Variants in HMGCLL1 observed in about 807,000 individuals in gnomAD.
The protein encoded by HMGCLL1 is 3-hydroxymethyl-3-methylglutaryl-CoA lyase, cytoplasmic.
HMGCLL1 carries 36 observed loss-of-function variants against 39.1 expected under a neutral mutation model. The observed-to-expected ratio is 0.92, with a 90% CI of 0.71 to 1.22. The LOEUF (loss-of-function observed/expected upper bound fraction) is 1.22. HMGCLL1 is among the 50% of genes most tolerant of loss of function. The probability of loss-of-function intolerance (pLI) is 0.00; values close to 1 mark genes in which losing one functional copy is unlikely to be tolerated. For synonymous variants in HMGCLL1, 149 were observed against 144.0 expected (o/e 1.03, Z -0.25); for missense variants, 451 against 416.5 (o/e 1.08, Z -0.72).
the HMGCLL1 span, among the ~76,000 whole-genome samples, chr6:55,609,730 AC>A: frequency 2.5e-4 from 37 of 150,990 alleles, no homozygotes; most frequent in East Asian, 7.3e-3. Context: ...CTGCATGAGA[AC>A]CCCCAACAGG....
the HMGCLL1 span, among the ~76,000 whole-genome samples, chr6:55,585,410 A>AT: frequency 6.6e-6 from 1 of 152,102 alleles, no homozygotes; most frequent in Non-Finnish European, 1.5e-5. Context: ...TTGCCAACAG[A>AT]TATAAAAATA....
intron 3 of HMGCLL1, among the ~76,000 whole-genome samples, chr6:55,539,114 C>CTCTTGTA (rs1250547977): frequency 1.3e-5 from 2 of 152,096 alleles, no homozygotes; most frequent in Admixed American, 1.3e-4. Flanking sequence ...AGAGGCAGGA[C>CTCTTGTA]ATGTAAATAG....
At chr6:55,654,926 A>G in the HMGCLL1 span, among the ~76,000 whole-genome samples, 1 of 151,946 alleles carries the variant, frequency 6.6e-6, no homozygotes, top group African/African-American at 2.4e-5. Context: ...GATTCATTCT[A>G]AAAATCCCAA....
At chr6:55,580,701 C>T (rs1336074872), upstream of HMGCLL1, among the ~76,000 whole-genome samples, 1 of 152,124 alleles carries the variant, frequency 6.6e-6, no homozygotes, top group Non-Finnish European at 1.5e-5. Flanking sequence ...AGGGGTCAGC[C>T]ACCGCGCCCA....
chr6:55,476,978 TG>T lies in HMGCLL1; in HGVS notation c.795+18440del, dbSNP rs1341332711. On this transcript the variant is annotated intron_variant, in intron 7 of 8. Coordinates refer to ENST00000274901, the MANE Select transcript of HMGCLL1 (RefSeq NM_001042406.2). ...AAATTATGAATTCGCTGTCCTTATG[TG>T]TAAGCCTTGTTTATAAAAATTATGG... is the stretch of plus-strand genomic sequence containing the variant. 1.8e-5 allele frequency among the ~76,000 whole-genome samples: 2 copies of T among 111,242 alleles called. 1 individual carries two copies. Among genetic ancestry groups the T allele is most frequent in the Non-Finnish European group, 4.1e-5 (2 of 48,792 alleles). The allele number at this position is 111,242 out of a possible 152,430, so 73.0% of individuals were successfully genotyped here. A position where few individuals can be genotyped will look rare whatever the true frequency, so the allele number is the denominator to read the frequency against.
chr6:55,563,323 C>A (rs1377688294), intron 1 of HMGCLL1, among the ~76,000 whole-genome samples: 1 of 152,026 alleles, frequency 6.6e-6, no homozygotes, highest in African/African-American at 2.4e-5. Flanking sequence ...ATAAAACATA[C>A]ACCCTATAGA....
intron 1 of HMGCLL1, among the ~76,000 whole-genome samples, chr6:55,556,742 C>T (rs1037222610): frequency 9.2e-5 from 14 of 152,096 alleles, no homozygotes; most frequent in African/African-American, 2.9e-4. Context: ...ATAATCTAGA[C>T]GAGAGATGAC....
At chr6:55,619,105 TG>T in the HMGCLL1 span, among the ~76,000 whole-genome samples, 2 of 150,768 alleles carry the variant, frequency 1.3e-5, no homozygotes, top group Non-Finnish European at 3.0e-5. Flanking sequence ...CAGGCAAAAC[TG>T]GGGTGGGAAG....
chr6:55,537,530 C>G (rs1420265899), intron 3 of HMGCLL1, among the ~76,000 whole-genome samples: 4 of 151,416 alleles, frequency 2.6e-5, no homozygotes. Flanking sequence ...TGTGTAGAGC[C>G]CAAGATCCAT....
At chr6:55,548,548 T>C (rs1282569050) in intron 1 of HMGCLL1, among the ~76,000 whole-genome samples, 1 of 152,024 alleles carries the variant, frequency 6.6e-6, no homozygotes, top group Non-Finnish European at 1.5e-5. Context: ...TCATCTAAAA[T>C]TGTTTATTCA....
the HMGCLL1 span, among the ~76,000 whole-genome samples, chr6:55,633,490 C>G: frequency 2.0e-5 from 3 of 151,222 alleles, no homozygotes; most frequent in African/African-American, 7.3e-5. Flanking sequence ...AAAAAACAAT[C>G]TAATTCAAGC....
chr6:55,638,103 G>A, the HMGCLL1 span, among the ~76,000 whole-genome samples: 1 of 151,980 alleles, frequency 6.6e-6, no homozygotes, highest in African/African-American at 2.4e-5. Context: ...GAATAGGATG[G>A]GGACAAGGTG....
chr6:55,664,771 G>A, the HMGCLL1 span, among the ~76,000 whole-genome samples: 2 of 151,634 alleles, frequency 1.3e-5, no homozygotes, highest in Non-Finnish European at 3.0e-5. Context: ...CTTTGCTAGG[G>A]CTAAAGGATA....
At chr6:55,445,813 C>A (rs1362129140) in intron 7 of HMGCLL1, among the ~76,000 whole-genome samples, 1 of 151,994 alleles carries the variant, frequency 6.6e-6, no homozygotes, top group Non-Finnish European at 1.5e-5. Flanking sequence ...AGATGAGTAA[C>A]CACAAGGTGG....
the HMGCLL1 span, among the ~76,000 whole-genome samples, chr6:55,675,273 A>G: frequency 6.6e-6 from 1 of 152,112 alleles, no homozygotes; most frequent in African/African-American, 2.4e-5. Flanking sequence ...GAGAACACAC[A>G]CATATTTTAT....
At chr6:55,592,978 T>G in the HMGCLL1 span, among the ~76,000 whole-genome samples, 2,565 of 152,204 alleles carry the variant, frequency 0.017, 69 homozygotes, top group African/African-American at 0.058. Flanking sequence ...GTGAAATCTA[T>G]AAAAAGCATG....
chr6:55,533,822 C>G (rs1768837955), intron 3 of HMGCLL1, among the ~76,000 whole-genome samples: 1 of 141,124 alleles, frequency 7.1e-6, no homozygotes, highest in Non-Finnish European at 1.5e-5. Context: ...GGAGGCGGAG[C>G]TTGCAGTGAG....
intron 1 of HMGCLL1, among the ~76,000 whole-genome samples, chr6:55,551,939 T>A (rs994214835): frequency 1.3e-5 from 2 of 152,054 alleles, no homozygotes; most frequent in Non-Finnish European, 2.9e-5. Context: ...TTCATTCACC[T>A]ATTGTCTGTC....
chr6:55,619,588 T>C, the HMGCLL1 span, among the ~76,000 whole-genome samples: 1 of 152,102 alleles, frequency 6.6e-6, no homozygotes, highest in African/African-American at 2.4e-5. Flanking sequence ...TAGGTGTATA[T>C]ATTTATGGGG....
Sources: gnomAD v4.1 joint callset for allele counts (sites outside exome capture counted in the v4.1 genomes callset) on GRCh38, gnomAD v4.1.1 for gene constraint, MANE v1.5 for transcripts, NCBI Gene and HGNC (gene_info 2026-07-23, HGNC 2026-07-21) for gene names.